Variants in SORT1 observed in about 807,000 individuals in gnomAD.
SORT1 encodes sortilin 1.
SORT1 carries 39 observed loss-of-function variants against 101.7 expected under a neutral mutation model. The observed-to-expected ratio is 0.38, with a 90% confidence interval of 0.30 to 0.50. The LOEUF is 0.50. SORT1 is among the 20% of genes least tolerant of loss of function. The pLI is 0.90. For synonymous variants in SORT1, 396 were observed against 393.7 expected (o/e 1.01, Z -0.07); for missense variants, 878 against 1,040.4 (o/e 0.84, Z 2.15).
chr1:109,314,565 C>T (rs1471697480), intron 18 of SORT1, 107 bp downstream of exon 18: 3 of 1,084,208 alleles, frequency 2.8e-6, no homozygotes, highest in Non-Finnish European at 2.7e-6. Flanking sequence ...TTTTCAGGAA[C>T]AGTACTGCAA....
chr1:109,334,497 G>C (rs1040401680), intron 11 of SORT1, among the ~76,000 whole-genome samples: 5 of 152,196 alleles, frequency 3.3e-5, no homozygotes, highest in Admixed American at 3.3e-4. Context: ...ACTCACAGAA[G>C]CAGGGAGTAG....
At chr1:109,318,018 T>C in intron 15 of SORT1, 49 bp from the exon 16 acceptor site, 1 of 1,181,328 alleles carries the variant, frequency 8.5e-7, no homozygotes, top group Non-Finnish European at 1.3e-6. Flanking sequence ...TGGAAGACCG[T>C]TAAGTGACTA....
intron 7 of SORT1, 31 bp downstream of exon 7, chr1:109,347,452 A>T: frequency 6.7e-7 from 1 of 1,494,320 alleles, no homozygotes; most frequent in Non-Finnish European, 9.3e-7. Flanking sequence ...GGACAACAGG[A>T]CATTATTTTC....
Position 109,313,093 on chromosome 1 carries a change from G to C in SORT1, c.*950C>G, listed in dbSNP as rs1305627209. On this transcript the variant is annotated 3_prime_UTR_variant, in exon 20 of 20. Coordinates refer to ENST00000256637, the MANE Select transcript of SORT1 (RefSeq NM_002959.7). ...CGACAGTTAAGAAGGGAACATGGAA[G>C]ACTGTGAGGTTCCGTCTTCGGGGGT... 1.3e-5 allele frequency: 2 copies of C among 152,224 alleles called. No homozygotes were observed. Among genetic ancestry groups the C allele is most frequent in the Admixed American group, 6.5e-5 (1 of 15,282 alleles). 9.4% of individuals were successfully genotyped at this position (152,224 alleles called of 1,614,324 possible).
chr1:109,344,636 G>A (rs982941384), intron 8 of SORT1, among the ~76,000 whole-genome samples: 1 of 152,152 alleles, frequency 6.6e-6, no homozygotes, highest in Non-Finnish European at 1.5e-5. Context: ...CTGACACTTT[G>A]TTTTCTTACT....
At chr1:109,320,516 G>A (rs1280570664) in intron 15 of SORT1, among the ~76,000 whole-genome samples, 2 of 152,060 alleles carry the variant, frequency 1.3e-5, no homozygotes, top group African/African-American at 2.4e-5. Context: ...TGCTGTTGGT[G>A]TCTCTGCTTG....
At chr1:109,356,045 T>C (rs1445105346) in intron 3 of SORT1, among the ~76,000 whole-genome samples, 2 of 152,158 alleles carry the variant, frequency 1.3e-5, no homozygotes, top group African/African-American at 4.8e-5. Flanking sequence ...CTAATTTTTG[T>C]ATTTTAAGTA....
chr1:109,340,506 T>C (rs1649136965), intron 10 of SORT1, among the ~76,000 whole-genome samples: 1 of 152,044 alleles, frequency 6.6e-6, no homozygotes, highest in East Asian at 1.9e-4. Context: ...ATTGTGACTG[T>C]GCTTAATGCT....
intron 1 of SORT1, among the ~76,000 whole-genome samples, chr1:109,374,930 C>A (rs1430848679): frequency 1.3e-5 from 2 of 152,116 alleles, no homozygotes; most frequent in Admixed American, 1.3e-4. Flanking sequence ...CTGAACTCCA[C>A]CTGAGTGACA....
Position 109,342,088 on chromosome 1 carries a change from A to T in SORT1, c.1034T>A (p.Val345Glu). Residue 345 changes from valine (V) to glutamate (E), a missense_variant, in exon 9 of 20, where the codon GTG (valine) becomes GAG (glutamate). This residue lies in a region of SORT1 where 684 missense variants were observed against 894.5 expected (regional missense o/e 0.76). Transcript: ENST00000256637. ...DTWSMAQLPS[V>E]GQEQFYSILA... ...AATAGAATAGAACTGTTCCTGTCCC[A>T]CGGAGGGGAGCTGGGCCATGCTCCA... 6.2e-7 allele frequency: 1 copy of T among 1,613,394 alleles called. No individual in the cohort carries two copies. The highest frequency in any genetic ancestry group is 8.5e-7 in the Non-Finnish European group (1 of 1,179,398).
intron 14 of SORT1, among the ~76,000 whole-genome samples, chr1:109,323,707 C>T (rs572969102): frequency 1.9e-4 from 29 of 152,342 alleles, no homozygotes; most frequent in African/African-American, 6.5e-4. Flanking sequence ...GGAAAAATGA[C>T]TCAAAGGCTG....
chr1:109,327,691 A>T, intron 11 of SORT1, 90 bp from the exon 12 acceptor site: 1 of 785,684 alleles, frequency 1.3e-6, no homozygotes. Flanking sequence ...ATAAAGCTTT[A>T]AGTTAACCCA....
At chr1:109,325,818 AC>A (rs1389203184) in intron 13 of SORT1, among the ~76,000 whole-genome samples, 1 of 151,838 alleles carries the variant, frequency 6.6e-6, no homozygotes. Flanking sequence ...CTACCAAAAC[AC>A]AAAAAACAAA....
chr1:109,342,280 G>C, intron 8 of SORT1, 122 bp from the exon 9 acceptor site: 1 of 751,528 alleles, frequency 1.3e-6, no homozygotes, highest in Non-Finnish European at 2.2e-6. Flanking sequence ...CGATTGCTAT[G>C]AATGAAAGGT....
At chr1:109,346,934 C>A (rs1356271768) in intron 7 of SORT1, among the ~76,000 whole-genome samples, 1 of 152,116 alleles carries the variant, frequency 6.6e-6, no homozygotes, top group Non-Finnish European at 1.5e-5. Flanking sequence ...TCTCAGCCTC[C>A]CAAGTAGCTG....
Position 109,311,621 on chromosome 1 carries a change from T to C in SORT1, c.*2422A>G, listed in dbSNP as rs1489466005. 6.6e-6 allele frequency: 1 copy of C among 152,216 alleles called. No individual in the cohort carries two copies. The highest frequency in any genetic ancestry group is 6.5e-5 in the Admixed American group (1 of 15,284). 9.4% of individuals were successfully genotyped at this position (152,216 alleles called of 1,614,324 possible). On this transcript the variant is annotated 3_prime_UTR_variant, in exon 20 of 20. Coordinates refer to ENST00000256637, the MANE Select transcript of SORT1 (RefSeq NM_002959.7). ...AGTCCACTCCTGCACTCTTGAGCAG[T>C]GACCCTCAATGAGGGGAGGGGCAGT...
chr1:109,341,685 CATAAA>C (rs1649237034), intron 9 of SORT1, among the ~76,000 whole-genome samples: 1 of 152,140 alleles, frequency 6.6e-6, no homozygotes, highest in Non-Finnish European at 1.5e-5. Context: ...ATCCAACAGA[CATAAA>C]ATTGCTTTGT....
chr1:109,345,700 A>G, intron 8 of SORT1, 51 bp downstream of exon 8: 3 of 1,522,772 alleles, frequency 2.0e-6, no homozygotes, highest in Non-Finnish European at 8.9e-7. Flanking sequence ...AATCTATACG[A>G]GAGATATTTG....
chr1:109,326,422 A>G (rs1648026944), intron 13 of SORT1, among the ~76,000 whole-genome samples: 1 of 111,396 alleles, frequency 9.0e-6, no homozygotes, highest in African/African-American at 3.5e-5. Context: ...TTTTGTAGAC[A>G]GAAAGAATAT....
Sources: gnomAD v4.1 joint callset for allele counts (sites outside exome capture counted in the v4.1 genomes callset) on GRCh38, gnomAD v4.1.1 for gene constraint, gnomAD v4.1.1 regional missense constraint, MANE v1.5 for transcripts, NCBI Gene and HGNC (gene_info 2026-07-23, HGNC 2026-07-21) for gene names.